Variants in ATP8A2 observed in about 807,000 individuals in gnomAD.
ATP8A2 encodes the protein phospholipid-transporting ATPase IB.
ATP8A2 carries 100 observed loss-of-function variants against 165.6 expected under a neutral mutation model. That is an observed-to-expected ratio of 0.60 (90% CI 0.51 to 0.71). The LOEUF is 0.71. Ranked by LOEUF, ATP8A2 falls within the 30% of genes least tolerant of loss-of-function variation. ATP8A2 has a pLI of 0.00. For synonymous variants in ATP8A2, 543 were observed against 548.8 expected, an observed-to-expected ratio of 0.99 and a Z score of 0.15; for missense variants, 1,227 against 1,479.5, an observed-to-expected ratio of 0.83 and a Z score of 2.80.
intron 1 of ATP8A2, among the ~76,000 whole-genome samples, chr13:25,425,059 A>C (rs1016214257): frequency 2.0e-5 from 3 of 152,184 alleles, no homozygotes; most frequent in Non-Finnish European, 4.4e-5. Flanking sequence ...GTGGAGATTC[A>C]TTTTGTTTTC....
intron 24 of ATP8A2, among the ~76,000 whole-genome samples, chr13:25,676,146 C>T (rs1232569634): frequency 6.6e-6 from 1 of 152,140 alleles, no homozygotes; most frequent in Non-Finnish European, 1.5e-5. Flanking sequence ...CAGTGGTTAA[C>T]TGCAAGTGAT....
intron 27 of ATP8A2, among the ~76,000 whole-genome samples, chr13:25,819,982 G>A (rs1951132278): frequency 6.6e-6 from 1 of 152,094 alleles, no homozygotes; most frequent in Admixed American, 6.5e-5. Context: ...TTCTCCATAG[G>A]GTACTTTTTC....
intron 1 of ATP8A2, among the ~76,000 whole-genome samples, chr13:25,453,461 G>T (rs961241160): frequency 1.3e-5 from 2 of 152,100 alleles, no homozygotes; most frequent in Non-Finnish European, 2.9e-5. Context: ...TGTCTAAGCA[G>T]GGCTGTCTTC....
rs1349352729 is a variant in ATP8A2, at chr13:25,577,098, G to A, written c.1742G>A (p.Arg581Gln). The A allele has an allele frequency of 8.1e-6, 13 of 1,613,336 alleles. No individual in the cohort carries two copies. In the East Asian group the frequency reaches 8.9e-5, roughly 11 times the overall value. ...SDRKRMSVIV[R>Q]TPSGRLRLYC... ...AGAAAAAGAATGTCTGTAATTGTTC[G>A]AACTCCTTCAGGACGACTTCGGCTT... is the stretch of plus-strand genomic sequence containing the variant. The change falls in exon 20 of 37, where the codon CGA (arginine) becomes CAA (glutamine). Residue 581 changes from arginine (R) to glutamine (Q), a missense_variant. Physicochemically the swap from Arg to Gln is conservative, Grantham distance 43. Coordinates refer to ENST00000381655, the MANE Select transcript of ATP8A2 (RefSeq NM_016529.6).
At chr13:25,691,793 C>T (rs2137868892) in intron 24 of ATP8A2, among the ~76,000 whole-genome samples, 1 of 152,370 alleles carries the variant, frequency 6.6e-6, no homozygotes, top group Non-Finnish European at 1.5e-5. Flanking sequence ...ACAAGCTTTA[C>T]TTGCCACCAG....
At chr13:25,977,161 A>G (rs916361614) in intron 35 of ATP8A2, among the ~76,000 whole-genome samples, 18 of 150,444 alleles carry the variant, frequency 1.2e-4, no homozygotes, top group African/African-American at 2.0e-4. Flanking sequence ...AAAGAAGCCA[A>G]TTTCCACCCA....
intron 1 of ATP8A2, among the ~76,000 whole-genome samples, chr13:25,426,663 C>T (rs1160471107): frequency 6.6e-6 from 1 of 152,110 alleles, no homozygotes; most frequent in Non-Finnish European, 1.5e-5. Flanking sequence ...TGTATCAGGG[C>T]CGGGCACGGT....
chr13:25,749,626 G>A (rs1472059999), intron 25 of ATP8A2, among the ~76,000 whole-genome samples: 4 of 152,122 alleles, frequency 2.6e-5, no homozygotes, highest in African/African-American at 7.2e-5. Flanking sequence ...AGCTTAGGCT[G>A]TTCCTGGGGC....
intron 28 of ATP8A2, among the ~76,000 whole-genome samples, chr13:25,835,256 A>G (rs7990492): frequency 0.57 from 86,601 of 151,968 alleles, 25,027 homozygotes; most frequent in East Asian, 0.7. Context: ...CAGCTATAAA[A>G]CAAACAATTT....
chr13:25,473,688 C>G (rs1172546739), intron 2 of ATP8A2, among the ~76,000 whole-genome samples: 1 of 152,120 alleles, frequency 6.6e-6, no homozygotes, highest in Admixed American at 6.6e-5. Context: ...TTCCTCCCCC[C>G]ACCCCTAAGG....
At chr13:25,562,372 A>G (rs923348617) in intron 15 of ATP8A2, among the ~76,000 whole-genome samples, 4 of 152,150 alleles carry the variant, frequency 2.6e-5, no homozygotes, top group Non-Finnish European at 4.4e-5. Context: ...TGTTTCCCTT[A>G]TAAATGGTGA....
chr13:25,843,677 A>C (rs116276103), intron 30 of ATP8A2, among the ~76,000 whole-genome samples: 1,824 of 152,272 alleles, frequency 0.012, 40 homozygotes, highest in African/African-American at 0.042. Context: ...GTTATAATCC[A>C]TGCAGTTTAT....
chr13:25,787,387 A>C (rs904708950), intron 27 of ATP8A2, among the ~76,000 whole-genome samples: 1 of 152,230 alleles, frequency 6.6e-6, no homozygotes, highest in Non-Finnish European at 1.5e-5. Context: ...TCGTTGGATC[A>C]GTAATTTATT....
chr13:25,691,303 C>A (rs548645477), intron 24 of ATP8A2, among the ~76,000 whole-genome samples: 29 of 152,284 alleles, frequency 1.9e-4, no homozygotes, highest in African/African-American at 6.3e-4. Flanking sequence ...GCAAAACTTG[C>A]TGCTGAATCC....
intron 24 of ATP8A2, among the ~76,000 whole-genome samples, chr13:25,629,660 G>A (rs1456683057): frequency 6.6e-6 from 1 of 152,122 alleles, no homozygotes; most frequent in Non-Finnish European, 1.5e-5. Context: ...TATGAGGCAA[G>A]GCCCATCAGA....
intron 28 of ATP8A2, among the ~76,000 whole-genome samples, chr13:25,836,365 T>TCCAAACAGA (rs1488982900): frequency 2.0e-5 from 3 of 152,204 alleles, no homozygotes; most frequent in African/African-American, 7.2e-5. Context: ...ACAGGCATGC[T>TCCAAACAGA]GATGTCTCAG....
chr13:25,549,565 G>A (rs947702428), intron 10 of ATP8A2, among the ~76,000 whole-genome samples: 1 of 151,376 alleles, frequency 6.6e-6, no homozygotes, highest in Non-Finnish European at 1.5e-5. Flanking sequence ...TCTGATTTAA[G>A]TCAGGAATTA....
intron 33 of ATP8A2, among the ~76,000 whole-genome samples, chr13:25,903,420 C>G (rs1186394661): frequency 6.6e-6 from 1 of 152,186 alleles, no homozygotes; most frequent in Non-Finnish European, 1.5e-5. Flanking sequence ...CACCTGGTCT[C>G]CCATCCTCCA....
chr13:25,579,742 G>C, intron 21 of ATP8A2, 66 bp from the exon 22 acceptor site: 1 of 1,582,102 alleles, frequency 6.3e-7, no homozygotes, highest in Non-Finnish European at 8.7e-7. Context: ...GGAAAAGGGA[G>C]CACAGGCTGT....
Sources: gnomAD v4.1 joint callset for allele counts (sites outside exome capture counted in the v4.1 genomes callset) on GRCh38, gnomAD v4.1.1 for gene constraint, MANE v1.5 for transcripts, NCBI Gene and HGNC (gene_info 2026-07-23, HGNC 2026-07-21) for gene names.